GPC6: variants seen among roughly 807,000 people sequenced by gnomAD.
GPC6 encodes the protein glypican-6.
A neutral mutation model predicts 55.2 loss-of-function variants in GPC6; 14 were observed. The observed-to-expected ratio is 0.25, with a 90% confidence interval of 0.17 to 0.40. GPC6 has a LOEUF of 0.40. Among genes scored for constraint, GPC6 ranks in the 10% least tolerant of loss-of-function variants. The probability of loss-of-function intolerance (pLI) is 1.00; values close to 1 mark genes in which losing one functional copy is unlikely to be tolerated. For missense variants in GPC6, 641 were observed against 708.5 expected (o/e 0.90, Z 1.08); for synonymous variants, 278 against 259.6 (o/e 1.07, Z -0.68).
intron 1 of GPC6, among the ~76,000 whole-genome samples, chr13:93,504,149 A>C (rs4303337): frequency 0.87 from 131,890 of 152,038 alleles, 57,756 homozygotes; most frequent in Non-Finnish European, 0.92. Flanking sequence ...AATTCAACTG[A>C]AAAACATAAC....
At chr13:94,200,844 G>T (rs1386635144) in intron 4 of GPC6, among the ~76,000 whole-genome samples, 1 of 152,174 alleles carries the variant, frequency 6.6e-6, no homozygotes, top group African/African-American at 2.4e-5. Context: ...AAAATTAGTG[G>T]CCACACTGGG....
chr13:93,921,449 A>G (rs1021325439), intron 3 of GPC6, among the ~76,000 whole-genome samples: 2 of 152,088 alleles, frequency 1.3e-5, no homozygotes, highest in Non-Finnish European at 2.9e-5. Flanking sequence ...AGGATAGTAA[A>G]TGTAGGGGAT....
At chr13:94,009,466 G>T (rs1298812288) in intron 3 of GPC6, among the ~76,000 whole-genome samples, 1 of 152,128 alleles carries the variant, frequency 6.6e-6, no homozygotes, top group Non-Finnish European at 1.5e-5. Context: ...CTACTTACAT[G>T]CTGGCATTAT....
chr13:93,721,406 G>T (rs1883450544), intron 2 of GPC6, among the ~76,000 whole-genome samples: 1 of 151,734 alleles, frequency 6.6e-6, no homozygotes, highest in South Asian at 2.1e-4. Context: ...GCTGATTAAA[G>T]TAAAACTAAG....
intron 4 of GPC6, among the ~76,000 whole-genome samples, chr13:94,286,117 T>C (rs149505601): frequency 3.9e-5 from 6 of 152,350 alleles, no homozygotes; most frequent in African/African-American, 9.6e-5. Context: ...TTTGGACTAA[T>C]TTTCTTATTT....
chr13:93,457,166 G>C (rs1033379280), intron 1 of GPC6, among the ~76,000 whole-genome samples: 2 of 152,104 alleles, frequency 1.3e-5, no homozygotes, highest in African/African-American at 4.8e-5. Context: ...CCAGTCTCAG[G>C]TATGTCTTCA....
At chr13:93,755,283 G>T (rs1884730311) in intron 2 of GPC6, among the ~76,000 whole-genome samples, 1 of 150,746 alleles carries the variant, frequency 6.6e-6, no homozygotes, top group Non-Finnish European at 1.5e-5. Context: ...CCTGGAGGAA[G>T]CATCCTCCTT....
intron 4 of GPC6, among the ~76,000 whole-genome samples, chr13:94,144,562 T>TGTGTGTGC (rs1887497425): frequency 6.7e-6 from 1 of 149,838 alleles, no homozygotes; most frequent in African/African-American, 2.4e-5. Context: ...TGTGTGTGTG[T>TGTGTGTGC]GTGTGTGTGT....
intron 6 of GPC6, among the ~76,000 whole-genome samples, chr13:94,336,034 T>C (rs1877679589): frequency 6.6e-6 from 1 of 152,066 alleles, no homozygotes; most frequent in South Asian, 2.1e-4. Flanking sequence ...TTTTCTTATG[T>C]AGATTGGAGA....
intron 2 of GPC6, among the ~76,000 whole-genome samples, chr13:93,634,704 A>T (rs774517769): frequency 6.6e-6 from 1 of 152,186 alleles, no homozygotes; most frequent in Non-Finnish European, 1.5e-5. Flanking sequence ...AAGACACAGT[A>T]GGAAAGGAAG....
At chr13:93,582,170 T>A (rs1212731130) in intron 2 of GPC6, among the ~76,000 whole-genome samples, 1 of 152,210 alleles carries the variant, frequency 6.6e-6, no homozygotes. Flanking sequence ...AATAACAATA[T>A]AAGTGAAAAT....
intron 3 of GPC6, among the ~76,000 whole-genome samples, chr13:93,898,940 AATATATATATATAT>A (rs66531953): frequency 8.0e-5 from 11 of 136,664 alleles, no homozygotes; most frequent in Admixed American, 7.6e-5. Context: ...ATTATATATA[AATATATATATATAT>A]ATATATATAT....
chr13:93,697,053 T>C lies in GPC6; in HGVS notation c.320-133101T>C, dbSNP rs574011239. ...TCCATACATCTTCTTCCTCTCCCAG[T>C]CCCCAATTTGTATAGGATTGCTTGA... On this transcript the variant is annotated intron_variant, in intron 2 of 8. Transcript: ENST00000377047. Among the ~76,000 whole-genome samples the C allele has an allele frequency of 1.1e-3, 165 of 152,224 alleles. 1 individual carries two copies. The highest frequency in any genetic ancestry group is 3.8e-3 in the African/African-American group (157 of 41,546).
intron 1 of GPC6, among the ~76,000 whole-genome samples, chr13:93,270,092 A>G (rs1325772066): frequency 6.7e-6 from 1 of 150,374 alleles, no homozygotes; most frequent in African/African-American, 2.4e-5. Flanking sequence ...ATGGCTCTCA[A>G]AAAAAAAATT....
chr13:94,137,558 T>G (rs1219729403), intron 4 of GPC6, among the ~76,000 whole-genome samples: 1 of 152,188 alleles, frequency 6.6e-6, no homozygotes, highest in Non-Finnish European at 1.5e-5. Context: ...GGGAAGATGC[T>G]TATTTTTTGT....
chr13:94,200,155 T>TAAA (rs10708157), intron 4 of GPC6, among the ~76,000 whole-genome samples: 5 of 137,160 alleles, frequency 3.6e-5, no homozygotes, highest in Non-Finnish European at 3.2e-5. Context: ...AAACTCTGTC[T>TAAA]AAAAAAAAAA....
chr13:93,428,059 A>G (rs1877215742), intron 1 of GPC6, among the ~76,000 whole-genome samples: 2 of 152,140 alleles, frequency 1.3e-5, no homozygotes, highest in Non-Finnish European at 2.9e-5. Flanking sequence ...TCAATTAGCT[A>G]TATTCTAGGT....
chr13:94,033,751 A>T (rs964910855), intron 4 of GPC6, among the ~76,000 whole-genome samples: 1 of 152,166 alleles, frequency 6.6e-6, no homozygotes, highest in Non-Finnish European at 1.5e-5. Flanking sequence ...TGTTACAAAA[A>T]CCTCTAGAAT....
intron 3 of GPC6, among the ~76,000 whole-genome samples, chr13:93,961,723 A>C (rs534216376): frequency 3.9e-5 from 6 of 152,354 alleles, no homozygotes; most frequent in African/African-American, 1.4e-4. Flanking sequence ...CTAAAATTTC[A>C]GAGGAGACTT....
Sources: allele counts gnomAD v4.1 joint callset (sites outside exome capture counted in the v4.1 genomes callset), GRCh38; gene constraint gnomAD v4.1.1; transcripts MANE v1.5; gene names NCBI Gene and HGNC (gene_info 2026-07-23, HGNC 2026-07-21).